The following CADM2 variants were observed in gnomAD, a reference collection of about 807,000 sequenced individuals.
CADM2 encodes the protein immunoglobulin superfamily member 4D.
CADM2 carries 12 observed loss-of-function variants against 49.8 expected under a neutral mutation model. The observed-to-expected ratio is 0.24, with a 90% CI of 0.15 to 0.39. The LOEUF (loss-of-function observed/expected upper bound fraction) is 0.39, where lower values mean the gene tolerates loss of function less well. Among genes scored for constraint, CADM2 ranks in the 10% least tolerant of loss-of-function variants. The pLI, the probability that CADM2 is intolerant of heterozygous loss-of-function variation, is 1.00. For synonymous variants in CADM2, 214 were observed against 175.4 expected (o/e 1.22, Z -1.74); for missense variants, 378 against 492.3 (o/e 0.77, Z 2.20).
chr3:85,169,892 A>T (rs2040573489), intron 1 of CADM2, among the ~76,000 whole-genome samples: 1 of 152,218 alleles, frequency 6.6e-6, no homozygotes, highest in Admixed American at 6.5e-5. Context: ...ACAGACCATG[A>T]TACCACTATT....
At chr3:85,546,042 C>T (rs1460221990) in intron 1 of CADM2, among the ~76,000 whole-genome samples, 1 of 152,134 alleles carries the variant, frequency 6.6e-6, no homozygotes, top group Admixed American at 6.5e-5. Flanking sequence ...CATTCTATAC[C>T]TAAAATATAC....
chr3:85,692,151 AG>A (rs1282215615), intron 1 of CADM2, among the ~76,000 whole-genome samples: 1 of 150,750 alleles, frequency 6.6e-6, no homozygotes, highest in Non-Finnish European at 1.5e-5. Flanking sequence ...AATTAAAAAA[AG>A]AGATACTGCC....
At chr3:85,725,697 A>G (rs2067671157) in intron 1 of CADM2, among the ~76,000 whole-genome samples, 1 of 152,100 alleles carries the variant, frequency 6.6e-6, no homozygotes, top group African/African-American at 2.4e-5. Flanking sequence ...CACTAGATAT[A>G]AGCTTATACT....
intron 1 of CADM2, among the ~76,000 whole-genome samples, chr3:85,461,986 C>T (rs971030724): frequency 3.3e-5 from 5 of 152,068 alleles, no homozygotes; most frequent in Non-Finnish European, 7.4e-5. Context: ...GCTCTGATTC[C>T]ACAGTACTTT....
At chr3:85,293,104 A>T (rs1338986849) in intron 1 of CADM2, among the ~76,000 whole-genome samples, 1 of 152,224 alleles carries the variant, frequency 6.6e-6, no homozygotes, top group Non-Finnish European at 1.5e-5. Flanking sequence ...GATAAAGGGG[A>T]TATCATCACT....
rs190329234 is a variant in CADM2, at chr3:85,167,842, A to G, written c.61+208174A>G. Among the ~76,000 whole-genome samples the G allele has an allele frequency of 3.3e-3, 510 of 152,292 alleles. 2 individuals carry two copies. Among genetic ancestry groups the G allele is most frequent in the Non-Finnish European group, 5.6e-3 (384 of 68,022 alleles). ...AAAATTATCTGCAGTCATACTATCC[A>G]AAACACATTCACTCATTAACTACAC... is the stretch of plus-strand genomic sequence containing the variant. On this transcript the variant is annotated intron_variant, in intron 1 of 9. Coordinates refer to ENST00000383699, the MANE Select transcript of CADM2 (RefSeq NM_001167675.2).
chr3:85,724,381 C>G (rs886074916), intron 1 of CADM2, among the ~76,000 whole-genome samples: 2 of 151,678 alleles, frequency 1.3e-5, no homozygotes, highest in Admixed American at 6.6e-5. Flanking sequence ...GTGAAGACAA[C>G]CTGGAAATTT....
chr3:85,736,592 C>G (rs2068148761), intron 2 of CADM2, among the ~76,000 whole-genome samples: 1 of 151,996 alleles, frequency 6.6e-6, no homozygotes, highest in Non-Finnish European at 1.5e-5. Context: ...ATAGGCAGCC[C>G]ATGCAGTGCC....
intron 1 of CADM2, among the ~76,000 whole-genome samples, chr3:85,715,538 G>T (rs1444548996): frequency 6.6e-6 from 1 of 152,070 alleles, no homozygotes; most frequent in African/African-American, 2.4e-5. Flanking sequence ...TAAGTTCTGG[G>T]ATACATGTGC....
intron 1 of CADM2, among the ~76,000 whole-genome samples, chr3:85,452,764 C>T (rs893619691): frequency 2.0e-5 from 3 of 152,102 alleles, no homozygotes; most frequent in South Asian, 2.1e-4. Flanking sequence ...AGATGTGATT[C>T]GCTACACAGT....
At chr3:85,147,970 G>T (rs150184863) in intron 1 of CADM2, among the ~76,000 whole-genome samples, 2 of 152,224 alleles carry the variant, frequency 1.3e-5, no homozygotes, top group African/African-American at 4.8e-5. Context: ...AATTATTTTA[G>T]AAATATATAA....
At chr3:85,536,103 A>G (rs551861149) in intron 1 of CADM2, among the ~76,000 whole-genome samples, 1 of 152,256 alleles carries the variant, frequency 6.6e-6, no homozygotes, top group South Asian at 2.1e-4. Context: ...GAAAGAAAGA[A>G]AACATATGGA....
At chr3:85,342,583 A>G (rs549051224) in intron 1 of CADM2, among the ~76,000 whole-genome samples, 1 of 152,246 alleles carries the variant, frequency 6.6e-6, no homozygotes, top group East Asian at 1.9e-4. Flanking sequence ...TAAAGTACTA[A>G]CTGTTTCTCT....
chr3:85,791,816 T>C (rs1042156156), intron 2 of CADM2, among the ~76,000 whole-genome samples: 5 of 152,018 alleles, frequency 3.3e-5, no homozygotes, highest in Non-Finnish European at 5.9e-5. Flanking sequence ...CTCCACCTCC[T>C]GGGTTCACGC....
intron 6 of CADM2, among the ~76,000 whole-genome samples, chr3:85,931,802 A>G (rs1315967645): frequency 2.0e-5 from 3 of 152,102 alleles, no homozygotes; most frequent in Non-Finnish European, 4.4e-5. Context: ...ATAATAAAAT[A>G]GAACATTAGA....
intron 8 of CADM2, among the ~76,000 whole-genome samples, chr3:86,005,203 A>G (rs961026714): frequency 1.3e-5 from 2 of 152,162 alleles, no homozygotes; most frequent in African/African-American, 2.4e-5. Context: ...CCTAATGTTA[A>G]GTTCAGTAAA....
At chr3:86,042,208 A>G (rs1290209174) in intron 8 of CADM2, among the ~76,000 whole-genome samples, 1 of 152,190 alleles carries the variant, frequency 6.6e-6, no homozygotes, top group Non-Finnish European at 1.5e-5. Context: ...AGCTAGCAGA[A>G]GGCAATAAAT....
intron 8 of CADM2, among the ~76,000 whole-genome samples, chr3:85,965,650 A>G (rs1251466151): frequency 6.6e-6 from 1 of 151,652 alleles, no homozygotes. Context: ...GACCATGTAC[A>G]AAGCAAGACA....
intron 2 of CADM2, 127 bp from the exon 3 acceptor site, chr3:85,801,918 TAC>T: frequency 1.5e-6 from 1 of 685,298 alleles, no homozygotes; most frequent in Non-Finnish European, 2.3e-6. Flanking sequence ...TTTTGTAATA[TAC>T]AGTTTTGTCG....
Sources: allele counts gnomAD v4.1 joint callset (sites outside exome capture counted in the v4.1 genomes callset), GRCh38; gene constraint gnomAD v4.1.1; transcripts MANE v1.5; gene names NCBI Gene and HGNC (gene_info 2026-07-23, HGNC 2026-07-21).